SEMA3A: variants seen among roughly 807,000 people sequenced by gnomAD.
The protein encoded by SEMA3A is semaphorin-3A.
A neutral mutation model predicts 97.9 loss-of-function variants in SEMA3A; 29 were observed. The observed-to-expected ratio is 0.30, with a 90% CI of 0.22 to 0.40. The LOEUF (loss-of-function observed/expected upper bound fraction) is 0.40. Among genes scored for constraint, SEMA3A ranks in the 10% least tolerant of loss-of-function variants. The probability of loss-of-function intolerance (pLI) is 1.00; values close to 1 mark genes in which losing one functional copy is unlikely to be tolerated. For synonymous variants in SEMA3A, 321 were observed against 323.7 expected (o/e 0.99, Z 0.09); for missense variants, 763 against 951.3 (o/e 0.80, Z 2.60).
chr7:84,086,969 A>G (rs1367807046), intron 4 of SEMA3A, among the ~76,000 whole-genome samples: 2 of 152,086 alleles, frequency 1.3e-5, no homozygotes, highest in Admixed American at 6.6e-5. Context: ...AAGAGTCTTC[A>G]TAATTTGGCT....
At chr7:83,983,452 G>T (rs1404547089) in intron 13 of SEMA3A, among the ~76,000 whole-genome samples, 1 of 151,988 alleles carries the variant, frequency 6.6e-6, no homozygotes, top group East Asian at 1.9e-4. Flanking sequence ...TATATTTATA[G>T]ATTTTTTTAA....
intron 3 of SEMA3A, among the ~76,000 whole-genome samples, chr7:84,118,414 T>C (rs987093586): frequency 6.6e-6 from 1 of 152,030 alleles, no homozygotes; most frequent in Non-Finnish European, 1.5e-5. Flanking sequence ...TTTCTATAGG[T>C]TGGTTTAGGC....
chr7:84,139,189 A>G (rs1796227648), intron 1 of SEMA3A, among the ~76,000 whole-genome samples: 1 of 152,098 alleles, frequency 6.6e-6, no homozygotes, highest in Non-Finnish European at 1.5e-5. Flanking sequence ...CTATGCTCAT[A>G]TTCAGTTAAA....
At position 84,462,186 on chromosome 7, in the gene SEMA3A, A is replaced by G. The variant is rs1364320930; in HGVS notation, c.-246+30274T>C. On this transcript the variant is annotated intron_variant, in intron 1 of 3. Coordinates refer to the SEMA3A transcript ENST00000424555. The stretch of plus-strand genomic sequence containing the variant: ...GCATTGACATGTTATTTATTGGATG[A>G]TTTTTTTCTCATAAAAATATACCTT... 4.6e-5 allele frequency among the ~76,000 whole-genome samples: 7 copies of G among 152,128 alleles called. No homozygotes were observed. The East Asian group carries it at 1.4e-3, about 29-fold the overall frequency.
At chr7:84,098,497 G>T (rs1794848228) in intron 4 of SEMA3A, among the ~76,000 whole-genome samples, 1 of 151,928 alleles carries the variant, frequency 6.6e-6, no homozygotes, top group Non-Finnish European at 1.5e-5. Context: ...GTTTTGTGGG[G>T]TATTCTAGCA....
At chr7:84,467,962 G>A (rs17159061) in intron 1 of SEMA3A, among the ~76,000 whole-genome samples, 13 of 152,220 alleles carry the variant, frequency 8.5e-5, no homozygotes, top group African/African-American at 3.1e-4. Flanking sequence ...GGCAGAGACT[G>A]TTTTTATTTA....
rs540899595 is a variant in SEMA3A at position 84,471,913 on chromosome 7, A to G, written c.-246+20547T>C. ...ATTAGGATTAGTGGATCTTCAAATC[A>G]TCTGACTTTCAGGTTTTTTTTTTTC... On this transcript the variant is annotated intron_variant, in intron 1 of 3. Transcript: ENST00000424555. 2.0e-5 allele frequency among the ~76,000 whole-genome samples: 3 copies of G among 151,628 alleles called. No homozygotes were observed. In the South Asian group the frequency reaches 6.2e-4, roughly 31 times the overall value.
intron 6 of SEMA3A, among the ~76,000 whole-genome samples, chr7:84,015,669 A>C (rs1534075): frequency 0.051 from 7,828 of 152,274 alleles, 299 homozygotes; most frequent in East Asian, 0.19. Context: ...GGAAGAGATC[A>C]GAACTTGAAA....
intron 2 of SEMA3A, among the ~76,000 whole-genome samples, chr7:84,324,550 T>C (rs1246565078): frequency 1.3e-5 from 2 of 152,194 alleles, no homozygotes; most frequent in Non-Finnish European, 2.9e-5. Context: ...TTTTGGCTGA[T>C]AGATAGCAAA....
At chr7:84,408,829 G>T (rs982313850) in intron 1 of SEMA3A, among the ~76,000 whole-genome samples, 1 of 151,510 alleles carries the variant, frequency 6.6e-6, no homozygotes, top group African/African-American at 2.4e-5. Flanking sequence ...TCACTCATAG[G>T]TGGGAATTGA....
chr7:84,103,308 GTTTC>G (rs1412233240), intron 4 of SEMA3A, among the ~76,000 whole-genome samples: 1 of 151,924 alleles, frequency 6.6e-6, no homozygotes, highest in African/African-American at 2.4e-5. Flanking sequence ...GTCAGGCTTT[GTTTC>G]TTTCTCATTA....
At chr7:84,463,813 C>T (rs1466670083) in intron 1 of SEMA3A, among the ~76,000 whole-genome samples, 1 of 152,092 alleles carries the variant, frequency 6.6e-6, no homozygotes, top group Middle Eastern at 3.2e-3. Context: ...TCCCTTCCTT[C>T]CTTTTCCCAT....
rs2116249087 is a variant in SEMA3A, at chr7:83,961,685, T to C, written c.2002A>G (p.Ile668Val). 1.2e-6 allele frequency: 2 copies of C among 1,613,878 alleles called. No individual in the cohort carries two copies. The highest frequency in any genetic ancestry group is 1.7e-6 in the Non-Finnish European group (2 of 1,179,870). The change falls in exon 17 of 17, where the codon ATT (isoleucine) becomes GTT (valine). Residue 668 changes from isoleucine (I) to valine (V), a missense_variant. Ile to Val is a conservative substitution (Grantham distance 29). Coordinates refer to ENST00000265362, the MANE Select transcript of SEMA3A (RefSeq NM_006080.3). ...QTLLKVTLEV[I>V]DTEHLEELLH... ...AGTTCTTCCAAATGCTCTGTGTCAA[T>C]GACTTCCAGGGTTACCTTAAGAAGA...
At chr7:84,376,471 G>A (rs1183207018) in intron 1 of SEMA3A, among the ~76,000 whole-genome samples, 2 of 142,338 alleles carry the variant, frequency 1.4e-5, no homozygotes, top group African/African-American at 2.6e-5. Context: ...GGGCGTGGTG[G>A]CGGGCGCCTG....
chr7:84,246,569 T>C (rs1167194477), intron 3 of SEMA3A, among the ~76,000 whole-genome samples: 1 of 152,150 alleles, frequency 6.6e-6, no homozygotes, highest in African/African-American at 2.4e-5. Flanking sequence ...AATATACATG[T>C]ATATTATATA....
chr7:84,441,681 C>T (rs925088473), intron 1 of SEMA3A, among the ~76,000 whole-genome samples: 4 of 151,988 alleles, frequency 2.6e-5, no homozygotes, highest in Non-Finnish European at 4.4e-5. Flanking sequence ...ATTAAAGAAA[C>T]GTCAATGAAC....
chr7:84,231,718 A>G (rs1390258402), intron 3 of SEMA3A, among the ~76,000 whole-genome samples: 1 of 151,802 alleles, frequency 6.6e-6, no homozygotes, highest in East Asian at 1.9e-4. Flanking sequence ...CCTGTAAAAT[A>G]AATTAGCACC....
intron 3 of SEMA3A, among the ~76,000 whole-genome samples, chr7:84,235,595 T>C (rs1047778945): frequency 4.6e-5 from 7 of 151,972 alleles, no homozygotes; most frequent in Admixed American, 3.3e-4. Flanking sequence ...TTTTAAAAAG[T>C]AGTTTGGGTA....
At chr7:84,111,205 A>C (rs1795268009) in intron 3 of SEMA3A, among the ~76,000 whole-genome samples, 1 of 152,194 alleles carries the variant, frequency 6.6e-6, no homozygotes, top group African/African-American at 2.4e-5. Context: ...ATTTGGAATT[A>C]AGAACCAAAT....
Sources: allele counts gnomAD v4.1 joint callset (sites outside exome capture counted in the v4.1 genomes callset), GRCh38; gene constraint gnomAD v4.1.1; transcripts MANE v1.5; gene names NCBI Gene and HGNC (gene_info 2026-07-23, HGNC 2026-07-21).